Variants in APBB2 observed in about 807,000 individuals in gnomAD.
APBB2 encodes amyloid beta precursor protein binding family B member 2.
A neutral mutation model predicts 82.5 loss-of-function variants in APBB2; 38 were observed. The observed-to-expected ratio is 0.46, with a 90% confidence interval of 0.36 to 0.60. The LOEUF (loss-of-function observed/expected upper bound fraction) is 0.60, where lower values mean the gene tolerates loss of function less well. APBB2 is among the 20% of genes least tolerant of loss of function. The pLI is 0.00. For synonymous variants in APBB2, 341 were observed against 368.2 expected (o/e 0.93, Z 0.85); for missense variants, 772 against 972.3 (o/e 0.79, Z 2.74).
chr4:40,853,855 T>A (rs574059287), intron 12 of APBB2, among the ~76,000 whole-genome samples: 2 of 152,318 alleles, frequency 1.3e-5, no homozygotes, highest in African/African-American at 4.8e-5. Context: ...TGCCTCCTGA[T>A]GGCCCCTTTC....
intron 3 of APBB2, among the ~76,000 whole-genome samples, chr4:41,090,177 C>T (rs183589556): frequency 4.2e-4 from 64 of 152,258 alleles, no homozygotes; most frequent in Admixed American, 7.2e-4. Context: ...CCCCTCCAGT[C>T]GTTTCTATAA....
intron 6 of APBB2, among the ~76,000 whole-genome samples, chr4:40,995,726 G>A (rs1389329345): frequency 2.6e-5 from 4 of 151,610 alleles, no homozygotes; most frequent in African/African-American, 7.3e-5. Flanking sequence ...ACAGAGACAG[G>A]GTCTTGCCAT....
chr4:41,079,442 AAAG>A (rs762150874), intron 3 of APBB2, among the ~76,000 whole-genome samples: 5 of 152,382 alleles, frequency 3.3e-5, no homozygotes, highest in African/African-American at 4.8e-5. Flanking sequence ...AAAGCAGAAC[AAAG>A]AAGATTTTTC....
intron 6 of APBB2, among the ~76,000 whole-genome samples, chr4:40,972,665 T>C (rs1056848957): frequency 4.6e-5 from 7 of 152,228 alleles, no homozygotes; most frequent in Non-Finnish European, 2.9e-5. Flanking sequence ...ACCACACTGC[T>C]GACTTCACAA....
chr4:40,980,562 C>A (rs905178049), intron 6 of APBB2, among the ~76,000 whole-genome samples: 5 of 152,052 alleles, frequency 3.3e-5, no homozygotes, highest in South Asian at 2.1e-4. Context: ...AACTTGGGTA[C>A]AACTGTTTGT....
intron 12 of APBB2, among the ~76,000 whole-genome samples, chr4:40,875,490 TTTTA>T (rs1352856713): frequency 6.6e-6 from 1 of 152,234 alleles, no homozygotes; most frequent in Non-Finnish European, 1.5e-5. Context: ...AATTTCAATA[TTTTA>T]TTTAAGCTAA....
At chr4:40,841,887 C>G (rs1405567246) in intron 12 of APBB2, among the ~76,000 whole-genome samples, 1 of 152,116 alleles carries the variant, frequency 6.6e-6, no homozygotes, top group Admixed American at 6.5e-5. Flanking sequence ...GCCATGTTGG[C>G]CAGGCTGGTC....
At chr4:40,846,290 C>T (rs1376384869) in intron 12 of APBB2, among the ~76,000 whole-genome samples, 1 of 143,588 alleles carries the variant, frequency 7.0e-6, no homozygotes, top group Non-Finnish European at 1.5e-5. Flanking sequence ...AGGTTCCTGA[C>T]CTGTTTTGGA....
intron 6 of APBB2, among the ~76,000 whole-genome samples, chr4:40,989,330 A>G (rs1801359804): frequency 6.6e-6 from 1 of 152,190 alleles, no homozygotes; most frequent in Non-Finnish European, 1.5e-5. Flanking sequence ...AATGGCTTCC[A>G]GAGGTAGATG....
chr4:40,920,879 C>A (rs1185166158), intron 10 of APBB2, among the ~76,000 whole-genome samples: 1 of 152,022 alleles, frequency 6.6e-6, no homozygotes, highest in Non-Finnish European at 1.5e-5. Flanking sequence ...CTCATAAACA[C>A]AAAACAAAAA....
chr4:40,968,327 G>A (rs145123618), intron 6 of APBB2, among the ~76,000 whole-genome samples: 25 of 152,200 alleles, frequency 1.6e-4, no homozygotes, highest in African/African-American at 5.5e-4. Context: ...TACAGTGCTC[G>A]TAGATGCATG....
intron 6 of APBB2, among the ~76,000 whole-genome samples, chr4:40,976,248 T>C (rs890547382): frequency 6.6e-6 from 1 of 152,176 alleles, no homozygotes; most frequent in Non-Finnish European, 1.5e-5. Flanking sequence ...TATTTAGACA[T>C]GAAAAAAACC....
chr4:41,209,926 C>T (rs1778912737), intron 1 of APBB2, among the ~76,000 whole-genome samples: 1 of 152,190 alleles, frequency 6.6e-6, no homozygotes, highest in Non-Finnish European at 1.5e-5. Flanking sequence ...AGACAGCGTT[C>T]ATGGAAGACA....
intron 12 of APBB2, among the ~76,000 whole-genome samples, chr4:40,883,127 T>C (rs6817509): frequency 0.69 from 105,118 of 152,078 alleles, 37,072 homozygotes; most frequent in East Asian, 0.87. Context: ...ACTGCAGCTG[T>C]GGCATGAGAA....
At chr4:40,932,765 C>T (rs929227848) in intron 10 of APBB2, among the ~76,000 whole-genome samples, 13 of 152,162 alleles carry the variant, frequency 8.5e-5, no homozygotes, top group African/African-American at 2.7e-4. Flanking sequence ...TGCAAGCCCC[C>T]GCCCCGTTCA....
At chr4:40,930,456 CGCGCGCGCGCGTGCGCGT>C (rs1242833034) in intron 10 of APBB2, among the ~76,000 whole-genome samples, 92 of 124,586 alleles carry the variant, frequency 7.4e-4, no homozygotes, top group African/African-American at 3.0e-3. Context: ...TGTGCGCGCG[CGCGCGCGCGCGTGCGCGT>C]GCGCGTATGC....
At chr4:41,081,952 A>G (rs1302809864) in intron 3 of APBB2, among the ~76,000 whole-genome samples, 2 of 152,332 alleles carry the variant, frequency 1.3e-5, no homozygotes, top group South Asian at 2.1e-4. Flanking sequence ...ACCTACTACA[A>G]ATACAGCAGA....
chr4:40,944,944 A>C lies in APBB2; in HGVS notation c.965T>G (p.Val322Gly). 1 of 1,613,846 alleles carries C rather than the reference A, an allele frequency of 6.2e-7. No individual in the cohort carries two copies. Among genetic ancestry groups the C allele is most frequent in the South Asian group, 1.1e-5 (1 of 91,056 alleles). The part of the protein sequence containing the change: ...PTGTTQWERP[V>G]SIPADLQGSR... ...ACCCTGGAGATCTGCTGGGATGGAG[A>C]CGGGCCGTTCCCACTGAGTCGTTCC... is the stretch of plus-strand genomic sequence containing the variant. The change falls in exon 7 of 18, where the codon GTC becomes GGC. Residue 322 changes from valine to glycine, a missense_variant. Physicochemically the swap from Val to Gly is moderately radical, Grantham distance 109. Transcript: ENST00000508593.
chr4:41,193,505 C>A, intron 1 of APBB2: 1 of 954,028 alleles, frequency 1.0e-6, no homozygotes, highest in Non-Finnish European at 1.2e-6. Context: ...AGTCCTACCC[C>A]TAGACCATGG....
Sources: allele counts gnomAD v4.1 joint callset (sites outside exome capture counted in the v4.1 genomes callset), GRCh38; gene constraint gnomAD v4.1.1; transcripts MANE v1.5; gene names NCBI Gene and HGNC (gene_info 2026-07-23, HGNC 2026-07-21).